REDIC1: variants seen among roughly 807,000 people sequenced by gnomAD.
REDIC1 encodes HEI10 Interacting Protein 1.
chr12:39,653,942 A>G, the REDIC1 span, among the ~76,000 whole-genome samples: 1 of 148,194 alleles, frequency 6.7e-6, no homozygotes, highest in African/African-American at 2.5e-5. Context: ...GATGTTAGCT[A>G]TAGGTGTTTT....
the REDIC1 span, among the ~76,000 whole-genome samples, chr12:39,650,589 A>G: frequency 6.6e-6 from 1 of 152,116 alleles, no homozygotes; most frequent in Non-Finnish European, 1.5e-5. This position sits in a 1 kb window ranked among gnomAD's most constrained non-coding sequence, Gnocchi z 4.3. Flanking sequence ...TTATTTTTTG[A>G]AAAGAAGTCT....
the REDIC1 span, among the ~76,000 whole-genome samples, chr12:39,770,244 T>C: frequency 6.6e-6 from 1 of 152,114 alleles, no homozygotes; most frequent in African/African-American, 2.4e-5. Context: ...ATTCTGGCCT[T>C]GATCTTTCTT....
chr12:39,848,711 C>T, the REDIC1 span, among the ~76,000 whole-genome samples: 1 of 152,118 alleles, frequency 6.6e-6, no homozygotes, highest in Non-Finnish European at 1.5e-5. Context: ...ACCATAAAGA[C>T]ACATGCATGG....
chr12:39,776,561 G>A, the REDIC1 span, among the ~76,000 whole-genome samples: 1 of 152,196 alleles, frequency 6.6e-6, no homozygotes, highest in Non-Finnish European at 1.5e-5. Flanking sequence ...GAATGACAGA[G>A]AAGCCTGTAG....
At chr12:39,848,412 C>A in the REDIC1 span, among the ~76,000 whole-genome samples, 1 of 152,020 alleles carries the variant, frequency 6.6e-6, no homozygotes, top group Non-Finnish European at 1.5e-5. Context: ...AGCCAAGGAG[C>A]ATATGAAAAA....
the REDIC1 span, among the ~76,000 whole-genome samples, chr12:39,796,217 G>A: frequency 3.9e-5 from 6 of 152,130 alleles, no homozygotes; most frequent in Admixed American, 2.6e-4. Context: ...CTCCCACGAT[G>A]TAGGGGGTAG....
chr12:39,647,207 C>T, the REDIC1 span, among the ~76,000 whole-genome samples: 1 of 152,006 alleles, frequency 6.6e-6, no homozygotes, highest in Non-Finnish European at 1.5e-5. Flanking sequence ...AGCAATTCAT[C>T]TGTTCAAACA....
At chr12:39,729,967 G>A in the REDIC1 span, among the ~76,000 whole-genome samples, 1 of 152,114 alleles carries the variant, frequency 6.6e-6, no homozygotes, top group Non-Finnish European at 1.5e-5. Context: ...TTTTATCAGA[G>A]ACTAGGATTG....
the REDIC1 span, among the ~76,000 whole-genome samples, chr12:39,780,203 AT>A: frequency 6.8e-6 from 1 of 148,028 alleles, no homozygotes; most frequent in Non-Finnish European, 1.5e-5. Context: ...CATTTTGCAT[AT>A]AAGTCTTTTT....
chr12:39,713,649 CT>C, the REDIC1 span, among the ~76,000 whole-genome samples: 12 of 141,510 alleles, frequency 8.5e-5, no homozygotes, highest in African/African-American at 3.1e-4. Flanking sequence ...GTATATATAC[CT>C]GTATACATGC....
chr12:39,731,337 C>G, the REDIC1 span, among the ~76,000 whole-genome samples: 1 of 151,792 alleles, frequency 6.6e-6, no homozygotes, highest in African/African-American at 2.4e-5. Flanking sequence ...GATGGGGTTT[C>G]TGTGTGGACA....
At chr12:39,632,119 T>C in the REDIC1 span, among the ~76,000 whole-genome samples, 1 of 151,972 alleles carries the variant, frequency 6.6e-6, no homozygotes, top group Non-Finnish European at 1.5e-5. Context: ...TTTTTTGAGA[T>C]GGAATCTCTC....
At chr12:39,716,561 G>A in the REDIC1 span, among the ~76,000 whole-genome samples, 1 of 151,912 alleles carries the variant, frequency 6.6e-6, no homozygotes, top group African/African-American at 2.4e-5. Context: ...TCTTTTAAGG[G>A]TAAAATAAAC....
At chr12:39,630,687 G>A in the REDIC1 span, among the ~76,000 whole-genome samples, 3 of 152,162 alleles carry the variant, frequency 2.0e-5, no homozygotes, top group East Asian at 3.8e-4. Flanking sequence ...TTAGCTGAGA[G>A]TTTGGCTACT....
the REDIC1 span, among the ~76,000 whole-genome samples, chr12:39,896,414 A>ATATATG: frequency 1.5e-4 from 18 of 118,420 alleles, 2 homozygotes; most frequent in African/African-American, 7.5e-4. Flanking sequence ...ACATATATGT[A>ATATATG]TGTATATGTG....
At chr12:39,708,686 C>T in the REDIC1 span, among the ~76,000 whole-genome samples, 3 of 151,700 alleles carry the variant, frequency 2.0e-5, no homozygotes, top group Non-Finnish European at 4.4e-5. Flanking sequence ...AATAACTTTC[C>T]ATATGTAGCT....
the REDIC1 span, among the ~76,000 whole-genome samples, chr12:39,812,127 G>A: frequency 1.3e-5 from 2 of 152,170 alleles, no homozygotes; most frequent in East Asian, 3.9e-4. Flanking sequence ...CCAAGATCTA[G>A]GCACAAGAAG....
chr12:39,760,760 T>A, the REDIC1 span, among the ~76,000 whole-genome samples: 1 of 152,020 alleles, frequency 6.6e-6, no homozygotes, highest in East Asian at 1.9e-4. Flanking sequence ...AGATTATGCA[T>A]GTCAATGCAG....
the REDIC1 span, among the ~76,000 whole-genome samples, chr12:39,655,268 AT>A: frequency 9.4e-4 from 143 of 152,020 alleles, 2 homozygotes; most frequent in African/African-American, 3.2e-3. Flanking sequence ...CTTGCCTTGG[AT>A]TTAGGTTGCC....
Sources: gnomAD v4.1 joint callset for allele counts (sites outside exome capture counted in the v4.1 genomes callset) on GRCh38, gnomAD v4.1.1 for gene constraint, Gnocchi (gnomAD v3.1) non-coding constraint, MANE v1.5 for transcripts, NCBI Gene and HGNC (gene_info 2026-07-23, HGNC 2026-07-21) for gene names.